BFAR: variants seen among roughly 807,000 people sequenced by gnomAD.
BFAR encodes bifunctional apoptosis regulator, also known as RING finger protein 47.
A neutral mutation model predicts 54.4 loss-of-function variants in BFAR; 52 were observed. That is an observed-to-expected ratio of 0.96 (90% CI 0.77 to 1.21). BFAR has a LOEUF of 1.21. Among genes scored for constraint, BFAR ranks in the 50% most tolerant of loss-of-function variants. The probability of loss-of-function intolerance (pLI) is 0.00; values close to 1 mark genes in which losing one functional copy is unlikely to be tolerated. For missense variants in BFAR, 571 were observed against 534.0 expected, an observed-to-expected ratio of 1.07 and a Z score of -0.68; for synonymous variants, 215 against 204.3, an observed-to-expected ratio of 1.05 and a Z score of -0.45.
intron 6 of BFAR, 139 bp from the exon 7 acceptor site, chr16:14,664,730 C>G: frequency 2.6e-6 from 2 of 777,854 alleles, no homozygotes; most frequent in Non-Finnish European, 4.4e-6. Flanking sequence ...GAACTCCTTA[C>G]CTCAGGTGAT....
chr16:14,644,111 T>C (rs2081271), intron 1 of BFAR, among the ~76,000 whole-genome samples, 163 bp from the exon 2 acceptor site: 47,469 of 148,086 alleles, frequency 0.32, 8,341 homozygotes, highest in Middle Eastern at 0.38. Flanking sequence ...TGCAGTGAGC[T>C]GAGATCACGC....
chr16:14,654,151 A>G (rs1238065181), intron 4 of BFAR, among the ~76,000 whole-genome samples: 1 of 151,228 alleles, frequency 6.6e-6, no homozygotes, highest in African/African-American at 2.4e-5. Flanking sequence ...AGCTGGGACT[A>G]TAGGCGCCTG....
chr16:14,655,028 T>G (rs1307291104), intron 4 of BFAR, 38 bp from the exon 5 acceptor site: 6 of 1,570,832 alleles, frequency 3.8e-6, no homozygotes, highest in Non-Finnish European at 4.3e-6. Flanking sequence ...GCTTCCAGTA[T>G]ATAATCGCAA....
At chr16:14,652,373 C>T (rs1429553168) in intron 4 of BFAR, among the ~76,000 whole-genome samples, 2 of 151,500 alleles carry the variant, frequency 1.3e-5, no homozygotes, top group Non-Finnish European at 2.9e-5. Context: ...CTCCACCTCC[C>T]AGTTTTGGGT....
At chr16:14,654,234 A>G (rs1238860059) in intron 4 of BFAR, among the ~76,000 whole-genome samples, 1 of 151,684 alleles carries the variant, frequency 6.6e-6, no homozygotes, top group Non-Finnish European at 1.5e-5. Flanking sequence ...GATGGTCTTG[A>G]TCTCCTGACC....
intron 1 of BFAR, among the ~76,000 whole-genome samples, chr16:14,639,585 A>G (rs1487745033): frequency 6.6e-6 from 1 of 152,180 alleles, no homozygotes; most frequent in Admixed American, 6.5e-5. Flanking sequence ...AGCCTCCTAA[A>G]GTGCTAGGAT....
At chr16:14,654,081 G>A (rs574287507) in intron 4 of BFAR, among the ~76,000 whole-genome samples, 2 of 141,830 alleles carry the variant, frequency 1.4e-5, no homozygotes, top group Non-Finnish European at 3.0e-5. Flanking sequence ...GTGTGATCTC[G>A]GCTCACTGCA....
At chr16:14,644,151 A>C in intron 1 of BFAR, 123 bp from the exon 2 acceptor site, 1 of 619,840 alleles carries the variant, frequency 1.6e-6, no homozygotes, top group Non-Finnish European at 2.8e-6. Context: ...CCAGAGAGCA[A>C]GACTGTGTCT....
chr16:14,658,787 A>G (rs990653635), intron 5 of BFAR, among the ~76,000 whole-genome samples: 15 of 152,068 alleles, frequency 9.9e-5, no homozygotes, highest in African/African-American at 3.6e-4. Context: ...CTATCTGCCT[A>G]AGTAACTTCT....
chr16:14,654,153 A>T (rs1346333328), intron 4 of BFAR, among the ~76,000 whole-genome samples: 1 of 151,460 alleles, frequency 6.6e-6, no homozygotes, highest in Non-Finnish European at 1.5e-5. Context: ...CTGGGACTAT[A>T]GGCGCCTGCC....
chr16:14,649,705 G>A (rs1481331725), intron 3 of BFAR, 99 bp from the exon 4 acceptor site: 7 of 1,120,846 alleles, frequency 6.2e-6, no homozygotes, highest in Non-Finnish European at 8.9e-6. Flanking sequence ...ATCATTCCCT[G>A]TGAGCTCAGC....
chr16:14,663,964 G>A (rs1192828548), intron 6 of BFAR, among the ~76,000 whole-genome samples: 1 of 151,578 alleles, frequency 6.6e-6, no homozygotes, highest in Non-Finnish European at 1.5e-5. Flanking sequence ...AATTACGGCC[G>A]GGTGCGGTGG....
chr16:14,657,260 G>GT lies in BFAR; in HGVS notation c.783+2056dup, dbSNP rs1373200178. On this transcript the variant is annotated intron_variant, in intron 5 of 7. Coordinates refer to ENST00000261658, the MANE Select transcript of BFAR (RefSeq NM_016561.3). ...TTTTGTTTTTGTTTTGTTTTGTTTT[G>GT]TTTTTTGAGAGGGTGTCTCGCTCTG... 1.7e-4 allele frequency among the ~76,000 whole-genome samples: 26 copies of GT among 151,790 alleles called. No individual in the cohort carries two copies. The East Asian group carries it at 4.1e-3, about 24-fold the overall frequency.
At chr16:14,652,579 C>A (rs1960003117) in intron 4 of BFAR, among the ~76,000 whole-genome samples, 2 of 152,022 alleles carry the variant, frequency 1.3e-5, no homozygotes, top group African/African-American at 4.8e-5. Context: ...CCACACCTGG[C>A]AAATATATAT....
Position 14,667,600 on chromosome 16 carries a change from C to A in BFAR, c.1161-35C>A, listed in dbSNP as rs369552497. ...GACTCCTGGGTGTGGTCATGAGAAG[C>A]GCCTCCGATTCAGCCTCTTCTCTTC... On this transcript the variant is annotated intron_variant, in intron 7 of 7. Transcript: ENST00000261658. The A allele has an allele frequency of 1.8e-5, 29 of 1,583,082 alleles. No homozygotes were observed. In the South Asian group the frequency reaches 2.8e-4, roughly 15 times the overall value.
At position 14,648,347 on chromosome 16, in the gene BFAR, G is replaced by A. The variant is rs747069725; in HGVS notation, c.264-41G>A. 4 of 1,522,726 alleles carry A rather than the reference G, an allele frequency of 2.6e-6. No individual in the cohort carries two copies. The East Asian group carries it at 9.0e-5, about 34-fold the overall frequency. 94.3% of individuals were successfully genotyped at this position (1,522,726 alleles called of 1,614,324 possible). A position where few individuals can be genotyped will look rare whatever the true frequency, so the allele number is the denominator to read the frequency against. The stretch of plus-strand genomic sequence containing the variant: ...TTTTGGCCTCTAAACATGATATTTA[G>A]TCAAACAACTGTCTTAATTTTTTTT... On this transcript the variant is annotated intron_variant, in intron 2 of 7. Coordinates refer to ENST00000261658, the MANE Select transcript of BFAR (RefSeq NM_016561.3).
At chr16:14,659,652 AC>A (rs1173480758) in intron 5 of BFAR, among the ~76,000 whole-genome samples, 1 of 147,574 alleles carries the variant, frequency 6.8e-6, no homozygotes, top group African/African-American at 2.5e-5. Context: ...CTGGGTTCAC[AC>A]CATTCTCCTG....
Position 14,652,046 on chromosome 16 carries a change from C to T in BFAR, c.638+2073C>T, listed in dbSNP as rs1959984224. Among the ~76,000 whole-genome samples the T allele has an allele frequency of 6.6e-5, 10 of 151,774 alleles. 1 individual carries two copies. On this transcript the variant is annotated intron_variant, in intron 4 of 7. Coordinates refer to ENST00000261658, the MANE Select transcript of BFAR (RefSeq NM_016561.3). ...GCACTGCAAGTGCCTGCCACCACGC[C>T]CGGCTAATTTTTGTATTTTTAGTAG... is the stretch of plus-strand genomic sequence containing the variant.
intron 4 of BFAR, 23 bp from the exon 5 acceptor site, chr16:14,655,043 A>G: frequency 6.3e-7 from 1 of 1,580,552 alleles, no homozygotes; most frequent in South Asian, 1.2e-5. Flanking sequence ...TCGCAAAATA[A>G]ATCTCCTCCT....
Sources: allele counts gnomAD v4.1 joint callset (sites outside exome capture counted in the v4.1 genomes callset), GRCh38; gene constraint gnomAD v4.1.1; transcripts MANE v1.5; gene names NCBI Gene and HGNC (gene_info 2026-07-23, HGNC 2026-07-21).